Variants in ZNF679 observed in about 807,000 individuals in gnomAD.
ZNF679 encodes hypothetical protein MGC42415.
ZNF679 carries 10 observed loss-of-function variants against 13.4 expected under a neutral mutation model. The ratio of observed to expected loss-of-function variants is 0.75; its 90% CI spans 0.46 to 1.27. ZNF679 has a LOEUF of 1.27. Ranked by LOEUF, ZNF679 falls within the 50% of genes most tolerant of loss-of-function variation. The pLI is 0.00. For synonymous variants in ZNF679, 179 were observed against 162.5 expected (o/e 1.10, Z -0.77); for missense variants, 525 against 477.8 (o/e 1.10, Z -0.92).
rs539619379 is a variant in ZNF679 at position 64,247,188 on chromosome 7, A to G, written c.-90-1840A>G. On this transcript the variant is annotated intron_variant, in intron 1 of 4. Transcript: ENST00000421025. The stretch of plus-strand genomic sequence containing the variant: ...TTTGGTGGATTTTTCTGGCTTCTCT[A>G]CTGCAAACTGTTTTATCAGCAAGGT... Among the ~76,000 whole-genome samples, 15 of 152,272 alleles carry G rather than the reference A, an allele frequency of 9.9e-5. No homozygotes were observed. In the South Asian group the frequency reaches 3.1e-3, roughly 32 times the overall value.
At chr7:64,229,125 G>C (rs567142372) in intron 1 of ZNF679, among the ~76,000 whole-genome samples, 7 of 152,228 alleles carry the variant, frequency 4.6e-5, no homozygotes, top group East Asian at 3.9e-4. Context: ...CTGGGTCCAG[G>C]TATGAGAGTC....
chr7:64,248,798 C>T (rs1340886156), intron 1 of ZNF679, among the ~76,000 whole-genome samples: 1 of 152,284 alleles, frequency 6.6e-6, no homozygotes, highest in Non-Finnish European at 1.5e-5. Flanking sequence ...TGGCCTGGCT[C>T]AGATCAGGGA....
chr7:64,242,284 G>A (rs973072896), intron 1 of ZNF679, among the ~76,000 whole-genome samples: 4 of 152,178 alleles, frequency 2.6e-5, no homozygotes, highest in African/African-American at 9.7e-5. Context: ...GTGTGCATAT[G>A]AGAGAATCTC....
intron 1 of ZNF679, among the ~76,000 whole-genome samples, chr7:64,236,958 A>AAAGAAAG (rs1787729660): frequency 3.3e-5 from 1 of 30,556 alleles, no homozygotes; most frequent in Non-Finnish European, 7.7e-5. Flanking sequence ...AGAAAGAAAG[A>AAAGAAAG]AAGAAAGAAA....
chr7:64,230,304 C>T (rs1026500951), intron 1 of ZNF679, among the ~76,000 whole-genome samples: 7 of 151,984 alleles, frequency 4.6e-5, no homozygotes, highest in African/African-American at 7.2e-5. Flanking sequence ...GAGGCCGAGG[C>T]GGGTGGATCA....
At chr7:64,248,788 T>G (rs1220557685) in intron 1 of ZNF679, among the ~76,000 whole-genome samples, 1 of 152,222 alleles carries the variant, frequency 6.6e-6, no homozygotes, top group Non-Finnish European at 1.5e-5. Context: ...CCTCTAAGGT[T>G]GGCCTGGCTC....
intron 2 of ZNF679, among the ~76,000 whole-genome samples, chr7:64,259,213 C>T (rs6460129): frequency 0.98 from 149,046 of 152,248 alleles, 73,017 homozygotes; most frequent in Non-Finnish European, 1. Context: ...TGCCTGGCCA[C>T]ACCATAGCCT....
At chr7:64,260,794 T>G in intron 3 of ZNF679, 40 bp from the exon 4 acceptor site, 1 of 1,566,350 alleles carries the variant, frequency 6.4e-7, no homozygotes, top group Non-Finnish European at 8.6e-7. Context: ...ATTAAAGAAT[T>G]CAGCAAGATT....
rs536947238 is a variant in ZNF679, at chr7:64,239,981, G to A, written c.-90-9047G>A. On this transcript the variant is annotated intron_variant, in intron 1 of 4. Coordinates refer to ENST00000421025, the MANE Select transcript of ZNF679 (RefSeq NM_153363.3). Reference sequence around the variant, plus strand: ...ACTGTGGCATCTCTCTAGGCCCATCGCCTAGGTGATGTGACTCTGTTCTTC... The same window carrying A: ...ACTGTGGCATCTCTCTAGGCCCATCACCTAGGTGATGTGACTCTGTTCTTC... 1.4e-4 allele frequency among the ~76,000 whole-genome samples: 22 copies of A among 152,150 alleles called. 1 individual carries two copies. In the South Asian group the frequency reaches 4.2e-3, roughly 29 times the overall value.
intron 2 of ZNF679, among the ~76,000 whole-genome samples, chr7:64,252,907 G>A (rs546952120): frequency 1.1e-3 from 169 of 152,190 alleles, no homozygotes; most frequent in Admixed American, 2.7e-3. Flanking sequence ...CAGTAGGGAC[G>A]GGGTTTTGCC....
intron 1 of ZNF679, among the ~76,000 whole-genome samples, chr7:64,230,500 T>A (rs1787622396): frequency 7.1e-6 from 1 of 141,304 alleles, no homozygotes; most frequent in Admixed American, 7.5e-5. Flanking sequence ...GCCACTGCAG[T>A]CCGCAGTCTG....
rs1474227263 is a variant in ZNF679 at position 64,266,357 on chromosome 7, T to C, written c.724T>C (p.Cys242Arg). 4.3e-6 allele frequency: 7 copies of C among 1,613,542 alleles called. No homozygotes were observed. The highest frequency in any genetic ancestry group is 3.3e-5 in the Admixed American group (2 of 59,930). ...RIHTGEKPYR[C>R]EECGKAFTWS... is the part of the protein sequence containing the mutation. ...TCATACTGGAGAGAAACCCTACAGA[T>C]GTGAGGAATGTGGCAAAGCTTTTAC... Residue 242 changes from cysteine (C) to arginine (R), a missense_variant, in exon 5 of 5, where the codon TGT (cysteine) becomes CGT (arginine). By Grantham distance (180) the Cys-to-Arg change is radical. Transcript: ENST00000421025.
At chr7:64,263,939 TTTTA>T (rs755552323) in intron 4 of ZNF679, among the ~76,000 whole-genome samples, 66 of 152,102 alleles carry the variant, frequency 4.3e-4, no homozygotes, top group Non-Finnish European at 8.7e-4. Flanking sequence ...TATTTCAATT[TTTTA>T]TTTATTATTG....
At chr7:64,236,778 A>C (rs770798717) in intron 1 of ZNF679, among the ~76,000 whole-genome samples, 6 of 151,340 alleles carry the variant, frequency 4.0e-5, no homozygotes, top group Non-Finnish European at 8.8e-5. Context: ...GTGAAACTCG[A>C]AAGGAAAGGA....
At position 64,266,847 on chromosome 7, in the gene ZNF679, A is replaced by AG. The variant is rs1360149583; in HGVS notation, c.1215dup (p.Lys406GlufsTer6). ...AATCATAAGAGTATGCATACTGGAGAGAAACCCTACAAATGTGAATAATGT... is the reference window on the plus strand; with the variant it reads ...AATCATAAGAGTATGCATACTGGAGAGGAAACCCTACAAATGTGAATAATGT... On this transcript the variant is annotated frameshift_variant, in exon 5 of 5. Coordinates refer to ENST00000421025, the MANE Select transcript of ZNF679 (RefSeq NM_153363.3). LOFTEE classifies it high-confidence loss of function. 1.3e-6 allele frequency: 2 copies of AG among 1,582,882 alleles called. No individual in the cohort carries two copies. The highest frequency in any genetic ancestry group is 1.4e-5 in the African/African-American group (1 of 73,698).
chr7:64,244,384 A>G (rs1359922164), intron 1 of ZNF679, among the ~76,000 whole-genome samples: 1 of 151,902 alleles, frequency 6.6e-6, no homozygotes, highest in African/African-American at 2.4e-5. Flanking sequence ...GAACTTTACT[A>G]ACATAACCTC....
In ZNF679 at chr7:64,266,032, G is replaced by C. The variant is rs757030672; in HGVS notation, c.399G>C (p.Glu133Asp). 4 of 1,613,494 alleles carry C rather than the reference G, an allele frequency of 2.5e-6. No individual in the cohort carries two copies. Among genetic ancestry groups the C allele is most frequent in the Admixed American group, 1.7e-5 (1 of 59,854 alleles). The stretch of plus-strand genomic sequence containing the variant: ...TAAAAACATGTAAAAGCATGGGTGA[G>C]TGTGAGGTGCAAAAAGGAGGTTGTA... ...LQVKTCKSMG[E>D]CEVQKGGCNE... Residue 133 changes from glutamate (E) to aspartate (D), a missense_variant, in exon 5 of 5, where the codon GAG becomes GAC. Physicochemically the swap from Glu to Asp is conservative, Grantham distance 45 (BLOSUM62 2). Transcript: ENST00000421025.
chr7:64,264,963 T>C (rs2115619818), intron 4 of ZNF679, among the ~76,000 whole-genome samples: 1 of 152,190 alleles, frequency 6.6e-6, no homozygotes, highest in South Asian at 2.1e-4. Context: ...TCCAAGCCTA[T>C]TGTTGATATT....
At chr7:64,230,539 CAAAAAAA>C (rs948433156) in intron 1 of ZNF679, among the ~76,000 whole-genome samples, 8 of 61,230 alleles carry the variant, frequency 1.3e-4, no homozygotes, top group Admixed American at 9.4e-4. Flanking sequence ...GACTCCGTCT[CAAAAAAA>C]AAAAAAAAAA....
Sources: allele counts gnomAD v4.1 joint callset (sites outside exome capture counted in the v4.1 genomes callset), GRCh38; gene constraint gnomAD v4.1.1; transcripts MANE v1.5; gene names NCBI Gene and HGNC (gene_info 2026-07-23, HGNC 2026-07-21).